Variants in PGM3 observed in about 807,000 individuals in gnomAD.
PGM3 encodes phosphoglucomutase 3, also known as phosphoacetylglucosamine mutase.
Under a neutral mutation model 66.2 loss-of-function variants are expected in PGM3, and 40 were observed. That is an observed-to-expected ratio of 0.60 (90% confidence interval 0.47 to 0.79). The LOEUF is 0.79. PGM3 is among the 30% of genes least tolerant of loss of function. PGM3 has a pLI of 0.00. For missense variants in PGM3, 537 were observed against 643.4 expected (o/e 0.83, Z 1.79); for synonymous variants, 191 against 224.2 (o/e 0.85, Z 1.32).
chr6:83,180,385 C>T (rs1583277688), intron 6 of PGM3, among the ~76,000 whole-genome samples: 1 of 152,130 alleles, frequency 6.6e-6, no homozygotes, highest in South Asian at 2.1e-4. Context: ...TTTGTTCATA[C>T]CACCAATAAA....
intron 10 of PGM3, among the ~76,000 whole-genome samples, chr6:83,172,682 A>AC (rs1174519851): frequency 1.3e-5 from 2 of 151,900 alleles, no homozygotes; most frequent in Admixed American, 6.6e-5. Context: ...AACAACAACA[A>AC]AAAAAACCCA....
At chr6:83,175,122 T>C (rs16881908) in intron 9 of PGM3, among the ~76,000 whole-genome samples, 4,957 of 152,240 alleles carry the variant, frequency 0.033, 202 homozygotes, top group African/African-American at 0.091. Flanking sequence ...CTTGATAAAA[T>C]AAGGCACAGG....
chr6:83,170,478 C>G lies in PGM3; in HGVS notation c.1366G>C (p.Val456Leu). The G allele has an allele frequency of 6.2e-7, 1 of 1,613,154 alleles. No homozygotes were observed. Among genetic ancestry groups the G allele is most frequent in the Non-Finnish European group, 8.5e-7 (1 of 1,179,200 alleles). ...GTGCTAATAACTCTCCTGTCTGCAA[C>G]CTAAGTGCAAGCATTTCATATTTGT... The part of the protein sequence containing the change: ...DLPNRQLKVQ[V>L]ADRRVISTTD... The change falls in exon 12 of 13, where the codon GTT becomes CTT. Residue 456 changes from valine to leucine, a missense_variant and splice_region_variant. By Grantham distance (32) the Val-to-Leu change is conservative. Transcript: ENST00000513973.
intron 10 of PGM3, among the ~76,000 whole-genome samples, chr6:83,172,583 C>T (rs371220678): frequency 2.0e-5 from 3 of 151,678 alleles, no homozygotes; most frequent in East Asian, 1.9e-4. Flanking sequence ...TGCTTGAGCC[C>T]GGGAGGCAGA....
chr6:83,181,613 C>G (rs1788180849), intron 6 of PGM3, 123 bp downstream of exon 6: 1 of 663,788 alleles, frequency 1.5e-6, no homozygotes, highest in Non-Finnish European at 2.6e-6. Flanking sequence ...TTCTCAATGT[C>G]TAAATGTGGC....
In PGM3 at chr6:83,167,823, C is replaced by G. The variant is rs759979831; in HGVS notation, c.*1411G>C. ...TAATTTTTCTAACATACCACATTGT[C>G]TGTTGTATTAATACCAGTTCACTTT... On this transcript the variant is annotated 3_prime_UTR_variant, in exon 13 of 13. Coordinates refer to ENST00000513973, the MANE Select transcript of PGM3 (RefSeq NM_015599.3). 1.9e-6 allele frequency: 3 copies of G among 1,551,370 alleles called. No homozygotes were observed. The Admixed American group carries it at 6.2e-5, about 32-fold the overall frequency.
rs1020262082 is a variant in PGM3 at position 83,178,729 on chromosome 6, C to T, written c.973G>A (p.Val325Ile). 6.3e-7 allele frequency: 1 copy of T among 1,596,670 alleles called. No homozygotes were observed. The highest frequency in any genetic ancestry group is 1.3e-5 in the African/African-American group (1 of 74,676). The change falls in exon 8 of 13, where the codon GTA becomes ATA. Residue 325 changes from valine to isoleucine, a missense_variant. By Grantham distance (29) the Val-to-Ile change is conservative. Transcript: ENST00000513973. ...EIGESLNIGV[V>I]QTAYANGSST... Reference sequence around the variant, plus strand: ...CTTCCATTTGCATATGCAGTTTGTACAACACCAATATTCAAACTTTCTCCA... The same window carrying T: ...CTTCCATTTGCATATGCAGTTTGTATAACACCAATATTCAAACTTTCTCCA...
chr6:83,163,045 C>T, downstream of PGM3: 9 of 1,077,148 alleles, frequency 8.4e-6, no homozygotes, highest in South Asian at 1.8e-4. Flanking sequence ...AACAAGTCCC[C>T]AGTTTTGAGA....
chr6:83,168,725 CCT>C lies in PGM3; in HGVS notation c.*507_*508del. ...AGGGATGGACAACCCCCTATTCATA[CCT>C]CTGAGTTCCTGATGGCATTAGTCAT... On this transcript the variant is annotated 3_prime_UTR_variant, in exon 13 of 13. Transcript: ENST00000513973. 4.0e-6 allele frequency: 4 copies of C among 997,142 alleles called. No homozygotes were observed. Among genetic ancestry groups the C allele is most frequent in the Non-Finnish European group, 4.8e-6 (4 of 836,516 alleles). The allele number at this position is 997,142 out of a possible 1,614,324, so 61.8% of individuals were successfully genotyped here.
rs1785892648 is a variant in PGM3, at chr6:83,167,038, G to C, written c.*2196C>G. On this transcript the variant is annotated 3_prime_UTR_variant, in exon 13 of 13. Transcript: ENST00000513973. Reference sequence around the variant, plus strand: ...CAGAATGATGTCTGTAGCTGTGTTTGTGTAATTCAGGTGGCTTCTCAAACT... The same window carrying C: ...CAGAATGATGTCTGTAGCTGTGTTTCTGTAATTCAGGTGGCTTCTCAAACT... The C allele has an allele frequency of 2.0e-6, 2 of 985,330 alleles. No individual in the cohort carries two copies. The highest frequency in any genetic ancestry group is 2.4e-6 in the Non-Finnish European group (2 of 829,860). The allele number at this position is 985,330 out of a possible 1,614,324, so 61.0% of individuals were successfully genotyped here.
Position 83,166,586 on chromosome 6 carries a change from A to G in PGM3, c.*2648T>C. ...AAAAAAAGTGAGAAATATGCTTAAA[A>G]TGATGTATAACATAACCACATTTAT... On this transcript the variant is annotated 3_prime_UTR_variant, in exon 13 of 13. Transcript: ENST00000513973. 1 of 652,184 alleles carries G rather than the reference A, an allele frequency of 1.5e-6. No individual in the cohort carries two copies. The allele number at this position is 652,184 out of a possible 1,614,324, so 40.4% of individuals were successfully genotyped here.
At chr6:83,192,263 T>C (rs541015404) in intron 1 of PGM3, among the ~76,000 whole-genome samples, 3 of 152,226 alleles carry the variant, frequency 2.0e-5, no homozygotes, top group Admixed American at 6.5e-5. Flanking sequence ...AGACTCCGTC[T>C]CAAAACAAAC....
intron 8 of PGM3, among the ~76,000 whole-genome samples, chr6:83,177,122 T>C (rs993460237): frequency 6.6e-6 from 1 of 152,098 alleles, no homozygotes; most frequent in Non-Finnish European, 1.5e-5. Flanking sequence ...AGCTGGCACA[T>C]ACTGACCTGT....
chr6:83,175,233 G>A (rs192195169), intron 9 of PGM3, among the ~76,000 whole-genome samples: 15 of 152,234 alleles, frequency 9.9e-5, no homozygotes, highest in Non-Finnish European at 1.8e-4. Context: ...CTTATGGCCT[G>A]AAAATCCAAA....
intron 4 of PGM3, among the ~76,000 whole-genome samples, chr6:83,184,326 G>A (rs567111819): frequency 9.5e-4 from 145 of 152,240 alleles, no homozygotes; most frequent in African/African-American, 3.4e-3. Context: ...GCAAAAAGGA[G>A]TCACTTTAAA....
chr6:83,154,298 A>G, the PGM3 span: 6 of 1,489,072 alleles, frequency 4.0e-6, no homozygotes, highest in East Asian at 6.8e-5. Flanking sequence ...CCTTCTTACT[A>G]TTTACTTGTA....
intron 8 of PGM3, among the ~76,000 whole-genome samples, chr6:83,177,705 T>C (rs1427778910): frequency 1.3e-5 from 2 of 152,162 alleles, no homozygotes; most frequent in African/African-American, 4.8e-5. Flanking sequence ...AATAGCCCGA[T>C]TTTAATAAGA....
At chr6:83,158,557 C>T (rs746484708), downstream of PGM3, 2 of 1,589,776 alleles carry the variant, frequency 1.3e-6, no homozygotes, top group East Asian at 2.2e-5. Context: ...TAACATTTCA[C>T]CATTTTCAGG....
chr6:83,159,934 C>T (rs1783843324), downstream of PGM3: 1 of 1,614,048 alleles, frequency 6.2e-7, no homozygotes, highest in Non-Finnish European at 8.5e-7. Context: ...TCGCATTGCC[C>T]TCTGAAAACC....
Sources: allele counts gnomAD v4.1 joint callset (sites outside exome capture counted in the v4.1 genomes callset), GRCh38; gene constraint gnomAD v4.1.1; transcripts MANE v1.5; gene names NCBI Gene and HGNC (gene_info 2026-07-23, HGNC 2026-07-21).